PBRM1: variants seen among roughly 807,000 people sequenced by gnomAD.
The protein encoded by PBRM1 is polybromo 1.
Under a neutral mutation model 194.5 loss-of-function variants are expected in PBRM1, and 27 were observed. The observed-to-expected ratio is 0.14, with a 90% confidence interval of 0.10 to 0.19. The LOEUF is 0.19. Among genes scored for constraint, PBRM1 ranks in the 10% least tolerant of loss-of-function variants. The pLI, the probability that PBRM1 is intolerant of heterozygous loss-of-function variation, is 1.00. For synonymous variants in PBRM1, 655 were observed against 693.2 expected, an observed-to-expected ratio of 0.94 and a Z score of 0.87; for missense variants, 1,466 against 2,077.2, an observed-to-expected ratio of 0.71 and a Z score of 5.72.
chr3:52,673,246 C>T (rs2096992986), intron 2 of PBRM1, among the ~76,000 whole-genome samples: 1 of 151,600 alleles, frequency 6.6e-6, no homozygotes, highest in South Asian at 2.1e-4. Flanking sequence ...CCTCAGCCTC[C>T]CAAAGTGATG....
chr3:52,585,401 A>G (rs2092215602), intron 20 of PBRM1: 1 of 152,198 alleles, frequency 6.6e-6, no homozygotes. Context: ...GTTGTTGTAC[A>G]TTCTGTATTA....
intron 1 of PBRM1, among the ~76,000 whole-genome samples, chr3:52,685,211 T>C (rs896359647): frequency 6.6e-6 from 1 of 152,182 alleles, no homozygotes; most frequent in Non-Finnish European, 1.5e-5. Context: ...AACAAAACTG[T>C]GCTTCCCCAA....
intron 22 of PBRM1, among the ~76,000 whole-genome samples, chr3:52,566,747 C>A (rs545071258): frequency 6.6e-6 from 1 of 152,028 alleles, no homozygotes; most frequent in Non-Finnish European, 1.5e-5. Context: ...GATAGCTGTA[C>A]GGTATTGTCA....
At chr3:52,635,094 T>C (rs1577182506) in intron 10 of PBRM1, among the ~76,000 whole-genome samples, 2 of 151,908 alleles carry the variant, frequency 1.3e-5, no homozygotes, top group South Asian at 4.2e-4. Context: ...CCCAGCTAAT[T>C]TTTGGATTTT....
chr3:52,658,173 T>G, intron 5 of PBRM1, 26 bp downstream of exon 6: 1 of 997,558 alleles, frequency 1.0e-6, no homozygotes, highest in Non-Finnish European at 1.6e-6. Context: ...CACTGACATG[T>G]ACCTGTTTTT....
At chr3:52,634,504 C>A in intron 11 of PBRM1, 98 bp downstream of exon 12, 16 of 712,398 alleles carry the variant, frequency 2.2e-5, no homozygotes, top group South Asian at 8.2e-5. Context: ...ACCATTTTTA[C>A]CTTTAATATC....
intron 16 of PBRM1, among the ~76,000 whole-genome samples, chr3:52,608,130 G>A (rs1438241571): frequency 6.7e-6 from 1 of 149,514 alleles, no homozygotes; most frequent in Non-Finnish European, 1.5e-5. Flanking sequence ...TTTCCCTTAA[G>A]CGTAAGTCCT....
chr3:52,638,961 G>T (rs1192577697), intron 10 of PBRM1, among the ~76,000 whole-genome samples: 1 of 124,494 alleles, frequency 8.0e-6, no homozygotes, highest in Non-Finnish European at 1.6e-5. Flanking sequence ...AAATATATTT[G>T]CATAACGTTA....
chr3:52,607,156 A>G (rs867411331), intron 16 of PBRM1, among the ~76,000 whole-genome samples: 25 of 152,332 alleles, frequency 1.6e-4, no homozygotes, highest in African/African-American at 5.5e-4. Context: ...ATAGTTTATC[A>G]TTCACTAAAT....
At chr3:52,582,079 C>T (rs1450640536) in intron 20 of PBRM1, among the ~76,000 whole-genome samples, 1 of 148,606 alleles carries the variant, frequency 6.7e-6, no homozygotes, top group East Asian at 2.2e-4. Flanking sequence ...TCCGTCTCTA[C>T]TAAAAATACA....
At chr3:52,667,012 G>T (rs2096852353) in intron 3 of PBRM1, among the ~76,000 whole-genome samples, 1 of 152,180 alleles carries the variant, frequency 6.6e-6, no homozygotes, top group African/African-American at 2.4e-5. Context: ...TGAATACATG[G>T]AAATGATGAC....
At chr3:52,674,643 A>T (rs11130316) in intron 2 of PBRM1, among the ~76,000 whole-genome samples, 16,895 of 70,190 alleles carry the variant, frequency 0.24, 1,534 homozygotes, top group South Asian at 0.36. Context: ...AAAAAAAAAA[A>T]ATATATATAT....
intron 11 of PBRM1, among the ~76,000 whole-genome samples, chr3:52,631,308 T>G (rs1290617669): frequency 7.2e-6 from 1 of 139,512 alleles, no homozygotes; most frequent in African/African-American, 2.6e-5. Context: ...CTTTCTCTAT[T>G]AAAAAAAAAA....
At chr3:52,580,204 C>T (rs912512023) in intron 20 of PBRM1, among the ~76,000 whole-genome samples, 3 of 151,986 alleles carry the variant, frequency 2.0e-5, no homozygotes, top group Non-Finnish European at 4.4e-5. Context: ...CGTGCCACTG[C>T]ACTCCAGCCT....
exon 27 of PBRM1, chr3:52,554,822 AGGCCATCAACTG>A: frequency 6.3e-7 from 1 of 1,599,834 alleles, no homozygotes; most frequent in Non-Finnish European, 8.5e-7. Flanking sequence ...CATGCTAACA[AGGCCATCAACTG>A]GGCCCTGCAA....
chr3:52,647,000 A>G (rs2096311734), intron 7 of PBRM1, among the ~76,000 whole-genome samples: 1 of 152,214 alleles, frequency 6.6e-6, no homozygotes, highest in African/African-American at 2.4e-5. Context: ...TTTGCAAACC[A>G]TTTACATGAT....
intron 2 of PBRM1, among the ~76,000 whole-genome samples, chr3:52,671,278 G>C (rs2096942194): frequency 6.6e-6 from 1 of 152,154 alleles, no homozygotes; most frequent in Admixed American, 6.5e-5. Flanking sequence ...ATAAATACTT[G>C]AGAAAAAAAC....
intron 17 of PBRM1, among the ~76,000 whole-genome samples, chr3:52,601,032 C>T (rs916610756): frequency 7.2e-5 from 11 of 152,186 alleles, no homozygotes; most frequent in Non-Finnish European, 1.5e-5. Context: ...TTCCTGTGTC[C>T]TTACTTACAT....
chr3:52,605,642 G>A (rs552274170), intron 16 of PBRM1, among the ~76,000 whole-genome samples: 31 of 138,482 alleles, frequency 2.2e-4, no homozygotes, highest in Non-Finnish European at 2.8e-4. Context: ...CGTTCTTGTT[G>A]CCCAGGCTGG....
Sources: allele counts gnomAD v4.1 joint callset (sites outside exome capture counted in the v4.1 genomes callset), GRCh38; gene constraint gnomAD v4.1.1; transcripts MANE v1.5; gene names NCBI Gene and HGNC (gene_info 2026-07-23, HGNC 2026-07-21).